CACNA1C: variants seen among roughly 807,000 people sequenced by gnomAD.
The protein encoded by CACNA1C is voltage-dependent L-type calcium channel subunit alpha-1C.
A neutral mutation model predicts 229.0 loss-of-function variants in CACNA1C; 30 were observed. The ratio of observed to expected loss-of-function variants is 0.13; its 90% CI spans 0.10 to 0.18. The LOEUF (loss-of-function observed/expected upper bound fraction) is 0.18. Among genes scored for constraint, CACNA1C ranks in the 10% least tolerant of loss-of-function variants. The pLI is 1.00. For synonymous variants in CACNA1C, 1,114 were observed against 1,132.5 expected (o/e 0.98, Z 0.33); for missense variants, 1,658 against 2,845.0 (o/e 0.58, Z 9.49).
chr12:2,603,309 A>G (rs1340214579), intron 22 of CACNA1C: 1 of 152,236 alleles, frequency 6.6e-6, no homozygotes, highest in Non-Finnish European at 1.5e-5. Context: ...ACAGTGATAG[A>G]TAGGAATGGC....
rs1233609292 is a variant in CACNA1C at position 2,053,498 on chromosome 12, C to CG, written c.-59dup. ...GGAGGAGGGATTAATCCAGACCCGC[C>CG]GGGGGGTGTTTTCACATTTCTTCCT... On this transcript the variant is annotated 5_prime_UTR_variant, in exon 1 of 47. Transcript: ENST00000399655. This position sits in a 1 kb window ranked among gnomAD's most constrained non-coding sequence, Gnocchi z 5.8. 9 of 1,539,154 alleles carry CG rather than the reference C, an allele frequency of 5.8e-6. No individual in the cohort carries two copies. The highest frequency in any genetic ancestry group is 2.0e-5 in the Admixed American group (1 of 49,668).
Position 2,688,472 on chromosome 12 carries a change from CCCT to C in CACNA1C, c.5816_5818del (p.Leu1939del), listed in dbSNP as rs758451142. The C allele has an allele frequency of 1.4e-5, 23 of 1,613,698 alleles. No homozygotes were observed. The South Asian group carries it at 2.5e-4, about 18-fold the overall frequency. ...GCATTGGCAGTGGCAGGCCTGAGCCCCCTCCTCCAGAGAAGCCATTCCCCTGCC... is the reference window on the plus strand; with the variant it reads ...GCATTGGCAGTGGCAGGCCTGAGCCCCCTCCAGAGAAGCCATTCCCCTGCC... On this transcript the variant is annotated inframe_deletion, in exon 46 of 47. Transcript: ENST00000399655.
At chr12:2,279,628 G>A (rs1170683169) in intron 3 of CACNA1C, among the ~76,000 whole-genome samples, 1 of 152,204 alleles carries the variant, frequency 6.6e-6, no homozygotes, top group Non-Finnish European at 1.5e-5. Flanking sequence ...TATTAATATA[G>A]ACAGTCCAGT....
chr12:2,338,171 G>T (rs1331010043), intron 3 of CACNA1C, among the ~76,000 whole-genome samples: 2 of 152,154 alleles, frequency 1.3e-5, no homozygotes, highest in Non-Finnish European at 2.9e-5. Context: ...TGGCTACATG[G>T]GGGGAGGAGA....
chr12:2,280,260 AACCTCTTGATACCTTGCTGTGCTTCG>A (rs2090685749), intron 3 of CACNA1C, among the ~76,000 whole-genome samples: 1 of 71,124 alleles, frequency 1.4e-5, no homozygotes, highest in Non-Finnish European at 2.5e-5. Context: ...GCTTCGGTTT[AACCTCTTGATACCTTGCTGTGCTTCG>A]GTTTAACCTC....
rs568092351 is a variant in CACNA1C at position 2,493,989 on chromosome 12, A to G, written c.1113+603A>G. On this transcript the variant is annotated intron_variant, in intron 7 of 46. Coordinates refer to ENST00000399655, the MANE Select transcript of CACNA1C (RefSeq NM_000719.7). This position sits in a 1 kb window ranked among gnomAD's most constrained non-coding sequence, Gnocchi z 4.6. ...CCCCAAACATGCTGCTGGTCATGTG[A>G]TGCCTATTTAGAAATACACTTTTTT... Among the ~76,000 whole-genome samples the G allele has an allele frequency of 3.3e-5, 5 of 152,178 alleles. No individual in the cohort carries two copies. The highest frequency in any genetic ancestry group is 1.3e-4 in the Admixed American group (2 of 15,270).
At chr12:2,326,982 C>T (rs2096330455) in intron 3 of CACNA1C, among the ~76,000 whole-genome samples, 1 of 152,196 alleles carries the variant, frequency 6.6e-6, no homozygotes. Flanking sequence ...CAGTTACCCT[C>T]TAGTATTCAT....
chr12:2,409,863 G>T (rs1262976653), intron 3 of CACNA1C, among the ~76,000 whole-genome samples: 1 of 152,212 alleles, frequency 6.6e-6, no homozygotes, highest in Non-Finnish European at 1.5e-5. Flanking sequence ...GGCAACGCAG[G>T]TGTGATGTAC....
chr12:1,991,367 T>C, intron 1 of CACNA1C: 1 of 401,786 alleles, frequency 2.5e-6, no homozygotes, highest in South Asian at 1.9e-5. Flanking sequence ...CAAATTAAAA[T>C]AGAACAGTGC....
At chr12:2,048,032 C>T (rs1168617073), upstream of CACNA1C, among the ~76,000 whole-genome samples, 1 of 152,204 alleles carries the variant, frequency 6.6e-6, no homozygotes, top group African/African-American at 2.4e-5. Context: ...CTCAGAGTAG[C>T]TGAAGGAGGA....
At position 2,504,290 on chromosome 12, in the gene CACNA1C, TGGGTAACAC is replaced by T; in HGVS notation, c.1114-544_1114-536del. On this transcript the variant is annotated intron_variant, in intron 7 of 46. Transcript: ENST00000399655. The surrounding 1 kb of genome is among the most constrained non-coding windows in gnomAD (Gnocchi z 6.8). Reference sequence around the variant, plus strand: ...GTTCCTTTGAACATGGGCGATGCCCTGGGTAACACGGGTAACCTGGTGCACATGAACAAA... The same window carrying T: ...GTTCCTTTGAACATGGGCGATGCCCTGGGTAACCTGGTGCACATGAACAAA... 5.0e-6 allele frequency: 3 copies of T among 600,428 alleles called. No individual in the cohort carries two copies. The highest frequency in any genetic ancestry group is 9.1e-6 in the Non-Finnish European group (3 of 331,050). The allele number at this position is 600,428 out of a possible 1,614,324, so 37.2% of individuals were successfully genotyped here.
chr12:2,329,596 C>T (rs1455276815), intron 3 of CACNA1C, among the ~76,000 whole-genome samples: 1 of 152,190 alleles, frequency 6.6e-6, no homozygotes, highest in Non-Finnish European at 1.5e-5. Context: ...AGTCTACCCC[C>T]CAAAAATAAT....
At chr12:2,648,786 C>T (rs572556025) in intron 31 of CACNA1C, among the ~76,000 whole-genome samples, 5 of 152,246 alleles carry the variant, frequency 3.3e-5, no homozygotes, top group African/African-American at 4.8e-5. Flanking sequence ...GAATGGGACC[C>T]GAGGTCCATT....
chr12:2,441,683 A>C (rs2099228493), intron 3 of CACNA1C, among the ~76,000 whole-genome samples: 1 of 152,202 alleles, frequency 6.6e-6, no homozygotes, highest in African/African-American at 2.4e-5. Flanking sequence ...AAAACGAAAA[A>C]AACACTGATC....
intron 3 of CACNA1C, among the ~76,000 whole-genome samples, chr12:2,310,352 A>ATATATATATATATATAT (rs1555425896): frequency 7.2e-6 from 1 of 139,826 alleles, no homozygotes; most frequent in African/African-American, 2.7e-5. Context: ...TAAAAAAAAA[A>ATATATATATATATATAT]ATATATATAT....
Position 2,666,040 on chromosome 12 carries a change from T to C in CACNA1C, c.4526+332T>C, listed in dbSNP as rs1268442217. On this transcript the variant is annotated intron_variant, in intron 36 of 46. Transcript: ENST00000399655. The surrounding 1 kb of genome is among the most constrained non-coding windows in gnomAD (Gnocchi z 5.3). ...CCCATCTCTACTAAAAATACAAAAA[T>C]TAGCCGGACATGGTGGCACATGCCT... 6.6e-6 allele frequency among the ~76,000 whole-genome samples: 1 copy of C among 152,066 alleles called. No individual in the cohort carries two copies. Among genetic ancestry groups the C allele is most frequent in the Non-Finnish European group, 1.5e-5 (1 of 68,004 alleles).
At chr12:2,308,484 A>G (rs1479515880) in intron 3 of CACNA1C, among the ~76,000 whole-genome samples, 3 of 152,208 alleles carry the variant, frequency 2.0e-5, no homozygotes, top group Non-Finnish European at 2.9e-5. Context: ...GTCAAAGATT[A>G]GTTAACCATA....
At chr12:2,378,981 A>G (rs2154544607) in intron 3 of CACNA1C, among the ~76,000 whole-genome samples, 1 of 152,352 alleles carries the variant, frequency 6.6e-6, no homozygotes, top group East Asian at 1.9e-4. Context: ...CCTAGAGAAT[A>G]GTGAGAAACC....
chr12:2,577,893 G>A (rs1403798380), intron 13 of CACNA1C, among the ~76,000 whole-genome samples: 1 of 149,346 alleles, frequency 6.7e-6, no homozygotes, highest in African/African-American at 2.5e-5. Flanking sequence ...TTTTGAGACG[G>A]AGTCTCGCTC....
Sources: gnomAD v4.1 joint callset for allele counts (sites outside exome capture counted in the v4.1 genomes callset) on GRCh38, gnomAD v4.1.1 for gene constraint, Gnocchi (gnomAD v3.1) non-coding constraint, MANE v1.5 for transcripts, NCBI Gene and HGNC (gene_info 2026-07-23, HGNC 2026-07-21) for gene names.